SHTN1: variants seen among roughly 807,000 people sequenced by gnomAD.
SHTN1 encodes the protein shootin-1.
A neutral mutation model predicts 83.1 loss-of-function variants in SHTN1; 42 were observed. The observed-to-expected ratio is 0.51, with a 90% CI of 0.39 to 0.65. The LOEUF is 0.65. Ranked by LOEUF, SHTN1 falls within the 30% of genes least tolerant of loss-of-function variation. SHTN1 has a pLI of 0.00. For missense variants in SHTN1, 622 were observed against 737.8 expected (o/e 0.84, Z 1.82); for synonymous variants, 224 against 247.7 (o/e 0.90, Z 0.90).
At chr10:117,110,421 G>C (rs7910907) in intron 1 of SHTN1, among the ~76,000 whole-genome samples, 1 of 152,048 alleles carries the variant, frequency 6.6e-6, no homozygotes, top group African/African-American at 2.4e-5. Flanking sequence ...GCACCATCTC[G>C]GCTCACTACA....
At chr10:116,973,594 T>G (rs1037290244) in intron 2 of SHTN1, among the ~76,000 whole-genome samples, 1 of 152,106 alleles carries the variant, frequency 6.6e-6, no homozygotes, top group Middle Eastern at 3.2e-3. Flanking sequence ...TCACAAAAAC[T>G]TATGATCTAC....
chr10:116,906,833 T>A (rs1461833422), intron 14 of SHTN1, 86 bp from the exon 15 acceptor site: 1 of 1,094,466 alleles, frequency 9.1e-7, no homozygotes, highest in East Asian at 2.8e-5. Flanking sequence ...ATGAAAACAT[T>A]ACCAGAATTT....
intron 1 of SHTN1, among the ~76,000 whole-genome samples, chr10:116,988,233 T>G (rs1851292587): frequency 6.6e-6 from 1 of 151,806 alleles, no homozygotes; most frequent in Non-Finnish European, 1.5e-5. Flanking sequence ...TATGTGAATA[T>G]TCTCTGTATT....
At chr10:116,995,290 A>G (rs912130333) in intron 1 of SHTN1, among the ~76,000 whole-genome samples, 2 of 152,198 alleles carry the variant, frequency 1.3e-5, no homozygotes, top group African/African-American at 4.8e-5. Context: ...ACTTTAAGGA[A>G]ATACCAGTGG....
intron 9 of SHTN1, among the ~76,000 whole-genome samples, chr10:116,940,025 T>C (rs1046274124): frequency 2.0e-5 from 3 of 152,224 alleles, no homozygotes; most frequent in Non-Finnish European, 4.4e-5. Context: ...AAATTTTCTC[T>C]AAGCAAACAA....
chr10:116,992,963 T>C (rs780381169), intron 1 of SHTN1, among the ~76,000 whole-genome samples: 96 of 151,916 alleles, frequency 6.3e-4, no homozygotes, highest in Non-Finnish European at 6.5e-4. Context: ...AGCTGTACTA[T>C]CTTTTTTGTC....
intron 1 of SHTN1, among the ~76,000 whole-genome samples, chr10:117,079,021 G>GA (rs1554936884): frequency 4.3e-5 from 1 of 23,042 alleles, no homozygotes; most frequent in Admixed American, 9.0e-4. Context: ...AGAGATTTGT[G>GA]AATTTTTTTT....
At chr10:116,913,804 T>A (rs1345400961) in intron 13 of SHTN1, among the ~76,000 whole-genome samples, 3 of 152,148 alleles carry the variant, frequency 2.0e-5, no homozygotes, top group Non-Finnish European at 4.4e-5. Context: ...ATAAGGCAGG[T>A]GCTATCCCCA....
intron 2 of SHTN1, among the ~76,000 whole-genome samples, chr10:117,018,443 A>G (rs1419755764): frequency 2.0e-5 from 3 of 151,978 alleles, no homozygotes; most frequent in Non-Finnish European, 2.9e-5. Context: ...GATGAAAACT[A>G]ACAGCAAACT....
intron 2 of SHTN1, among the ~76,000 whole-genome samples, chr10:117,018,512 A>ATTTT (rs1479234502): frequency 6.7e-6 from 1 of 149,666 alleles, no homozygotes; most frequent in Admixed American, 6.6e-5. Context: ...TTTTTTAAAA[A>ATTTT]AAAAAAAAAA....
At chr10:116,902,996 A>G (rs1020436999) in intron 15 of SHTN1, among the ~76,000 whole-genome samples, 21 of 152,204 alleles carry the variant, frequency 1.4e-4, no homozygotes, top group Admixed American at 4.6e-4. Context: ...TCAGTATAAT[A>G]GCGTAACATA....
At chr10:117,123,907 CAAAAA>C in intron 1 of SHTN1, among the ~76,000 whole-genome samples, 1 of 81,390 alleles carries the variant, frequency 1.2e-5, no homozygotes, top group African/African-American at 4.7e-5. Context: ...CCCTGTCTCA[CAAAAA>C]AAAAAAAAAA....
intron 1 of SHTN1, among the ~76,000 whole-genome samples, chr10:117,104,700 G>C (rs958500775): frequency 1.3e-5 from 2 of 152,186 alleles, no homozygotes; most frequent in Non-Finnish European, 2.9e-5. Context: ...CGTGAACCGG[G>C]GAGGCGGAGC....
chr10:116,964,759 G>A (rs185789653), intron 3 of SHTN1, among the ~76,000 whole-genome samples: 6 of 152,166 alleles, frequency 3.9e-5, no homozygotes, highest in Non-Finnish European at 8.8e-5. Flanking sequence ...AAGGCAGGCA[G>A]ATCACCTGAG....
chr10:117,073,003 A>G (rs1025303163), intron 1 of SHTN1, among the ~76,000 whole-genome samples: 1 of 152,216 alleles, frequency 6.6e-6, no homozygotes, highest in African/African-American at 2.4e-5. Flanking sequence ...GGAAATAGAT[A>G]GCATAAATAA....
intron 1 of SHTN1, among the ~76,000 whole-genome samples, chr10:117,080,543 AC>A (rs1336605890): frequency 2.1e-3 from 10 of 4,828 alleles, no homozygotes; most frequent in South Asian, 0.016. Context: ...TTCCATATGA[AC>A]TTTAAAGTAG....
chr10:116,982,436 C>T (rs1271932939), intron 1 of SHTN1, among the ~76,000 whole-genome samples: 2 of 152,082 alleles, frequency 1.3e-5, no homozygotes, highest in Non-Finnish European at 2.9e-5. Context: ...CACATACACA[C>T]ACATATGTAT....
chr10:117,076,182 C>CAAAAAA (rs10595400), intron 1 of SHTN1, among the ~76,000 whole-genome samples: 1 of 99,446 alleles, frequency 1.0e-5, no homozygotes, highest in Non-Finnish European at 2.2e-5. Context: ...GACCCTGTCT[C>CAAAAAA]AAAAAAAAAA....
chr10:117,088,887 G>A (rs1228760786), intron 1 of SHTN1, among the ~76,000 whole-genome samples: 4 of 152,300 alleles, frequency 2.6e-5, no homozygotes, highest in African/African-American at 9.6e-5. Context: ...CTTGTCTGGG[G>A]CACTTTCAGT....
Sources: gnomAD v4.1 joint callset for allele counts (sites outside exome capture counted in the v4.1 genomes callset) on GRCh38, gnomAD v4.1.1 for gene constraint, MANE v1.5 for transcripts, NCBI Gene and HGNC (gene_info 2026-07-23, HGNC 2026-07-21) for gene names.